The following CCDC170 variants were observed in gnomAD, a reference collection of about 807,000 sequenced individuals.
The protein encoded by CCDC170 is coiled-coil domain containing 170, also known as coiled-coil domain-containing protein 170.
CCDC170 carries 69 observed loss-of-function variants against 72.6 expected under a neutral mutation model. The ratio of observed to expected loss-of-function variants is 0.95; its 90% CI spans 0.78 to 1.16. CCDC170 has a LOEUF of 1.16. Ranked by LOEUF, CCDC170 falls within the 50% of genes most tolerant of loss-of-function variation. The probability of loss-of-function intolerance (pLI) is 0.00; values close to 1 mark genes in which losing one functional copy is unlikely to be tolerated. For synonymous variants in CCDC170, 300 were observed against 303.9 expected (o/e 0.99, Z 0.13); for missense variants, 852 against 832.5 (o/e 1.02, Z -0.29).
intron 4 of CCDC170, among the ~76,000 whole-genome samples, chr6:151,545,023 T>C (rs535632254): frequency 6.6e-6 from 1 of 152,330 alleles, no homozygotes; most frequent in African/African-American, 2.4e-5. Flanking sequence ...GGAGTTTTTT[T>C]CCTTTTAGTT....
chr6:151,564,870 C>T (rs1346036796), intron 5 of CCDC170, among the ~76,000 whole-genome samples: 1 of 152,158 alleles, frequency 6.6e-6, no homozygotes, highest in Non-Finnish European at 1.5e-5. Context: ...CTGTGATGTG[C>T]AAGGGTGGGG....
intron 7 of CCDC170, among the ~76,000 whole-genome samples, chr6:151,587,357 G>A (rs1363592998): frequency 6.6e-6 from 1 of 152,072 alleles, no homozygotes; most frequent in Non-Finnish European, 1.5e-5. Context: ...CCAGTGTGAA[G>A]TCTGGTGACC....
At chr6:151,612,720 G>T (rs1776893754) in intron 9 of CCDC170, among the ~76,000 whole-genome samples, 1 of 152,062 alleles carries the variant, frequency 6.6e-6, no homozygotes, top group Non-Finnish European at 1.5e-5. Flanking sequence ...AAAAATAGAT[G>T]CATCAAGAAA....
intron 6 of CCDC170, among the ~76,000 whole-genome samples, chr6:151,581,153 G>T (rs1430503095): frequency 6.6e-6 from 1 of 152,176 alleles, no homozygotes; most frequent in Non-Finnish European, 1.5e-5. Context: ...AGACAACAAC[G>T]TAGTTGAAAA....
At chr6:151,501,155 A>G (rs1424779066) in intron 1 of CCDC170, among the ~76,000 whole-genome samples, 7 of 150,240 alleles carry the variant, frequency 4.7e-5, no homozygotes, top group African/African-American at 1.7e-4. Flanking sequence ...ATACTATTAA[A>G]AATAATGACT....
intron 1 of CCDC170, among the ~76,000 whole-genome samples, chr6:151,515,081 A>T (rs73783044): frequency 0.01 from 1,590 of 152,322 alleles, 26 homozygotes; most frequent in African/African-American, 0.035. Flanking sequence ...AACTAAACAA[A>T]TGTAGTCAAA....
At chr6:151,536,491 T>G in intron 2 of CCDC170, 45 bp downstream of exon 2, 1 of 1,605,854 alleles carries the variant, frequency 6.2e-7, no homozygotes, top group Non-Finnish European at 8.5e-7. Context: ...CCTTCTTAGC[T>G]TCTTATAAAA....
chr6:151,537,545 T>C (rs566647183), intron 2 of CCDC170, among the ~76,000 whole-genome samples: 10 of 152,330 alleles, frequency 6.6e-5, no homozygotes, highest in Non-Finnish European at 1.3e-4. Flanking sequence ...ATGTTTTTTT[T>C]CCCAGAAATT....
intron 5 of CCDC170, among the ~76,000 whole-genome samples, chr6:151,553,483 G>A (rs1322037252): frequency 3.3e-5 from 5 of 152,026 alleles, no homozygotes; most frequent in African/African-American, 1.2e-4. Context: ...TGAATATTAG[G>A]GGGAGAGGAG....
chr6:151,538,975 T>G (rs1856859), intron 3 of CCDC170, among the ~76,000 whole-genome samples: 21,963 of 152,114 alleles, frequency 0.14, 2,102 homozygotes, highest in East Asian at 0.5. Context: ...AAACATTGTA[T>G]GTATGGCCGG....
At chr6:151,548,624 A>AGTGCAGG in intron 5 of CCDC170, 135 bp downstream of exon 5, 1 of 697,462 alleles carries the variant, frequency 1.4e-6, no homozygotes, top group Non-Finnish European at 2.1e-6. Context: ...AAGAGCCTGC[A>AGTGCAGG]CTCAGCAGGA....
chr6:151,594,880 A>G (rs890798625), intron 8 of CCDC170, among the ~76,000 whole-genome samples: 3 of 151,810 alleles, frequency 2.0e-5, no homozygotes, highest in African/African-American at 7.3e-5. Context: ...TGAACTCCTG[A>G]CCTCAGGTGA....
chr6:151,586,031 A>G lies in CCDC170; in HGVS notation c.1235A>G (p.Glu412Gly), dbSNP rs746791820. The G allele has an allele frequency of 6.2e-7, 1 of 1,614,224 alleles. No individual in the cohort carries two copies. The highest frequency in any genetic ancestry group is 1.1e-5 in the South Asian group (1 of 91,086). Residue 412 changes from glutamate to glycine, a missense_variant, in exon 7 of 11, where the codon GAG (glutamate) becomes GGG (glycine). Transcript: ENST00000239374. ...CTTCAGGGTCAGCTGACACACCTGG[A>G]GGCAGAGCTGGTTTCTGGAGGTGTT... ...ETLQGQLTHL[E>G]AELVSGGVLR...
intron 5 of CCDC170, among the ~76,000 whole-genome samples, chr6:151,571,619 C>T (rs146223232): frequency 2.1e-4 from 32 of 152,050 alleles, no homozygotes; most frequent in African/African-American, 6.7e-4. Flanking sequence ...CCCATCTACT[C>T]GGGAGGCTGA....
chr6:151,514,707 C>A (rs886189042), intron 1 of CCDC170, among the ~76,000 whole-genome samples: 1 of 152,076 alleles, frequency 6.6e-6, no homozygotes, highest in Non-Finnish European at 1.5e-5. Context: ...TCGTGGGCAG[C>A]TTTGTAGGTG....
At position 151,567,389 on chromosome 6, in the gene CCDC170, T is replaced by C. The variant is rs372746739; in HGVS notation, c.775-5785T>C. Among the ~76,000 whole-genome samples the C allele has an allele frequency of 3.9e-5, 6 of 152,296 alleles. No individual in the cohort carries two copies. The East Asian group carries it at 1.2e-3, about 29-fold the overall frequency. On this transcript the variant is annotated intron_variant, in intron 5 of 10. Coordinates refer to ENST00000239374, the MANE Select transcript of CCDC170 (RefSeq NM_025059.4). ...AATTTCAGCTTTCCTTTTTTTTCTGTTTATTTTTTCTTAAAAATATTTGAT... is the reference window on the plus strand; with the variant it reads ...AATTTCAGCTTTCCTTTTTTTTCTGCTTATTTTTTCTTAAAAATATTTGAT...
chr6:151,613,405 A>G (rs1274909230), intron 9 of CCDC170, among the ~76,000 whole-genome samples: 1 of 152,146 alleles, frequency 6.6e-6, no homozygotes, highest in Admixed American at 6.6e-5. Context: ...CCTGTCTCAA[A>G]AAAAGTGTAC....
intron 6 of CCDC170, among the ~76,000 whole-genome samples, chr6:151,584,884 A>T (rs1399332068): frequency 6.6e-6 from 1 of 152,212 alleles, no homozygotes; most frequent in South Asian, 2.1e-4. Flanking sequence ...AAAAATTTAG[A>T]CAGTAAAAAT....
intron 1 of CCDC170, among the ~76,000 whole-genome samples, chr6:151,522,403 C>T (rs1437265287): frequency 6.6e-6 from 1 of 152,142 alleles, no homozygotes; most frequent in African/African-American, 2.4e-5. Context: ...AACTTAACTT[C>T]CTTGTAAAGG....
Sources: gnomAD v4.1 joint callset for allele counts (sites outside exome capture counted in the v4.1 genomes callset) on GRCh38, gnomAD v4.1.1 for gene constraint, MANE v1.5 for transcripts, NCBI Gene and HGNC (gene_info 2026-07-23, HGNC 2026-07-21) for gene names.